The following CD2AP variants were observed in gnomAD, a reference collection of about 807,000 sequenced individuals.
The protein encoded by CD2AP is CD2 associated protein.
In CD2AP, 46 loss-of-function variants were observed where a neutral mutation model predicts 85.1. The ratio of observed to expected loss-of-function variants is 0.54; its 90% CI spans 0.43 to 0.69. The LOEUF (loss-of-function observed/expected upper bound fraction) is 0.69. Ranked by LOEUF, CD2AP falls within the 30% of genes least tolerant of loss-of-function variation. The pLI, the probability that CD2AP is intolerant of heterozygous loss-of-function variation, is 0.00. For missense variants in CD2AP, 769 were observed against 729.5 expected (o/e 1.05, Z -0.62); for synonymous variants, 255 against 252.9 (o/e 1.01, Z -0.08).
At chr6:47,592,937 C>T (rs1038554325) in intron 11 of CD2AP, among the ~76,000 whole-genome samples, 1 of 152,138 alleles carries the variant, frequency 6.6e-6, no homozygotes, top group African/African-American at 2.4e-5. Context: ...AAGGAGTGAT[C>T]ATGGGAATCC....
intron 13 of CD2AP, among the ~76,000 whole-genome samples, chr6:47,602,243 A>G (rs1440628752): frequency 1.3e-5 from 2 of 151,994 alleles, no homozygotes; most frequent in Non-Finnish European, 2.9e-5. Context: ...TAATGACATG[A>G]CATAACTTTT....
chr6:47,615,938 C>A (rs950369469), intron 17 of CD2AP, among the ~76,000 whole-genome samples: 2 of 151,426 alleles, frequency 1.3e-5, no homozygotes, highest in Non-Finnish European at 2.9e-5. Flanking sequence ...CGCCACCACA[C>A]CCGGCTAGTT....
At chr6:47,480,664 A>G (rs1272793094) in intron 1 of CD2AP, among the ~76,000 whole-genome samples, 1 of 152,212 alleles carries the variant, frequency 6.6e-6, no homozygotes, top group African/African-American at 2.4e-5. Context: ...AAGTGCTTAG[A>G]ACACTGCCAG....
In CD2AP at chr6:47,613,506, T is replaced by TC. The variant is rs1172161942; in HGVS notation, c.1878+972dup. Among the ~76,000 whole-genome samples, 3 of 139,542 alleles carry TC rather than the reference T, an allele frequency of 2.1e-5. No homozygotes were observed. In the East Asian group the frequency reaches 5.9e-4, roughly 28 times the overall value. The allele number at this position is 139,542 out of a possible 152,430, so 91.5% of individuals were successfully genotyped here. A position where few individuals can be genotyped will look rare whatever the true frequency, so the allele number is the denominator to read the frequency against. ...GTGAGCGTTCATATTTTAAAAATAA[T>TC]CCTTTTTTTTTTTTCCTGAGCAGTA... is the stretch of plus-strand genomic sequence containing the variant. On this transcript the variant is annotated intron_variant, in intron 17 of 17. Transcript: ENST00000359314.
intron 13 of CD2AP, among the ~76,000 whole-genome samples, chr6:47,605,761 T>G (rs1267578401): frequency 1.3e-5 from 2 of 152,146 alleles, no homozygotes; most frequent in African/African-American, 4.8e-5. Context: ...AAAACAAATT[T>G]TACATGCTGA....
chr6:47,542,171 C>T (rs1767230966), intron 3 of CD2AP, among the ~76,000 whole-genome samples: 1 of 152,130 alleles, frequency 6.6e-6, no homozygotes. Context: ...ATTTTACTCT[C>T]ATTATGTATT....
In CD2AP at chr6:47,609,151, G is replaced by T. The variant is rs773908718; in HGVS notation, c.1661G>T (p.Ser554Ile). 1 of 1,613,100 alleles carries T rather than the reference G, an allele frequency of 6.2e-7. No homozygotes were observed. The highest frequency in any genetic ancestry group is 1.7e-5 in the Admixed American group (1 of 59,958). ...KPSVYLSTPS[S>I]ASKANTTAFL... is the part of the protein sequence containing the mutation. ...TCTGTGTACCTTTCAACACCTTCCA[G>T]TGCTTCTAAAGCAAATACAACTGCT... The change falls in exon 16 of 18, where the codon AGT becomes ATT. Residue 554 changes from serine (S) to isoleucine (I), a missense_variant. Coordinates refer to ENST00000359314, the MANE Select transcript of CD2AP (RefSeq NM_012120.3).
At chr6:47,614,950 T>G (rs913080051) in intron 17 of CD2AP, among the ~76,000 whole-genome samples, 2 of 152,200 alleles carry the variant, frequency 1.3e-5, no homozygotes, top group Non-Finnish European at 2.9e-5. Context: ...TTATCTTTCT[T>G]AGCTTTCTTT....
In CD2AP at chr6:47,609,131, G is replaced by A. The variant is rs375173164; in HGVS notation, c.1641G>A (p.Val547=). ...KDTCYSPKPS[V]YLSTPSSASK... is the part of the protein sequence containing the mutation. ...TTTTTTTACGTTTTCAGCCATCTGT[G>A]TACCTTTCAACACCTTCCAGTGCTT... The change falls in exon 16 of 18, where the codon GTG becomes GTA. Residue 547 remains valine, a synonymous_variant. Coordinates refer to ENST00000359314, the MANE Select transcript of CD2AP (RefSeq NM_012120.3). The A allele has an allele frequency of 2.0e-5, 33 of 1,611,100 alleles. No individual in the cohort carries two copies. The African/African-American group carries it at 4.3e-4, about 21-fold the overall frequency.
intron 1 of CD2AP, among the ~76,000 whole-genome samples, chr6:47,490,543 T>C (rs1051509190): frequency 3.7e-4 from 56 of 152,300 alleles, no homozygotes; most frequent in African/African-American, 1.3e-3. Context: ...TTGTATGTTT[T>C]TTGTTTTTAA....
At position 47,595,944 on chromosome 6, in the gene CD2AP, G is replaced by A; in HGVS notation, c.1192G>A (p.Ala398Thr). 4 of 1,612,788 alleles carry A rather than the reference G, an allele frequency of 2.5e-6. No homozygotes were observed. The highest frequency in any genetic ancestry group is 2.5e-6 in the Non-Finnish European group (3 of 1,179,036). Residue 398 changes from alanine (A) to threonine (T), a missense_variant, in exon 12 of 18, where the codon GCC becomes ACC. By Grantham distance (58) the Ala-to-Thr change is moderately conservative. Transcript: ENST00000359314. ...CAAGAAACCTACTCCACCTACCAAA[G>A]CCAGTAATTTACTGAGATCTTCTGG... ...PPKKPTPPTK[A>T]SNLLRSSGTV...
At chr6:47,571,398 G>T (rs1352141182) in intron 5 of CD2AP, among the ~76,000 whole-genome samples, 1 of 152,116 alleles carries the variant, frequency 6.6e-6, no homozygotes, top group Non-Finnish European at 1.5e-5. Context: ...AGAACAAGGG[G>T]AAAGGAGAGC....
chr6:47,578,812 A>G (rs1001981381), intron 8 of CD2AP, among the ~76,000 whole-genome samples: 2 of 151,610 alleles, frequency 1.3e-5, no homozygotes, highest in South Asian at 4.2e-4. Context: ...GCCTGTCACG[A>G]TGCCTGGCTA....
chr6:47,531,838 C>G lies in CD2AP; in HGVS notation c.166-1764C>G, dbSNP rs544568856. 5.9e-5 allele frequency among the ~76,000 whole-genome samples: 9 copies of G among 152,000 alleles called. No homozygotes were observed. The South Asian group carries it at 1.9e-3, about 32-fold the overall frequency. ...TTGTAATCCCAGCACTTTGGGAGGT[C>G]GAGGCAGGCAGATCACCTGAGGTCA... On this transcript the variant is annotated intron_variant, in intron 2 of 17. Transcript: ENST00000359314.
At chr6:47,587,012 A>G (rs1246983189) in intron 11 of CD2AP, among the ~76,000 whole-genome samples, 2 of 152,190 alleles carry the variant, frequency 1.3e-5, no homozygotes, top group Admixed American at 6.5e-5. Flanking sequence ...GAAAAATGTC[A>G]GTGTTTTGCC....
chr6:47,503,558 T>C (rs1766054059), intron 2 of CD2AP, 118 bp downstream of exon 2: 2 of 946,898 alleles, frequency 2.1e-6, no homozygotes, highest in South Asian at 3.0e-5. Context: ...CTTTGTAACA[T>C]TTAAGAAAAT....
intron 6 of CD2AP, among the ~76,000 whole-genome samples, chr6:47,574,707 C>G (rs893304111): frequency 3.3e-5 from 5 of 151,678 alleles, no homozygotes; most frequent in Non-Finnish European, 5.9e-5. Flanking sequence ...TCTAGATTGT[C>G]AACATTCATT....
At chr6:47,555,721 G>A (rs769873567) in intron 5 of CD2AP, among the ~76,000 whole-genome samples, 1 of 151,944 alleles carries the variant, frequency 6.6e-6, no homozygotes, top group Non-Finnish European at 1.5e-5. Context: ...TCATACTAAG[G>A]TGTTAGTCTT....
At chr6:47,610,971 A>ATATATATATTTTTTTT in intron 16 of CD2AP, among the ~76,000 whole-genome samples, 3 of 112,908 alleles carry the variant, frequency 2.7e-5, no homozygotes, top group African/African-American at 1.1e-4. Context: ...ATATATATGT[A>ATATATATATTTTTTTT]TTTTTTTTTT....
Sources: gnomAD v4.1 joint callset for allele counts (sites outside exome capture counted in the v4.1 genomes callset) on GRCh38, gnomAD v4.1.1 for gene constraint, MANE v1.5 for transcripts, NCBI Gene and HGNC (gene_info 2026-07-23, HGNC 2026-07-21) for gene names.